The following PAFAH1B1 variants were observed in gnomAD, a reference collection of about 807,000 sequenced individuals.
The protein encoded by PAFAH1B1 is platelet-activating factor acetylhydrolase IB subunit beta.
In PAFAH1B1, 2 loss-of-function variants were observed where a neutral mutation model predicts 57.5. That is an observed-to-expected ratio of 0.03 (90% CI 0.01 to 0.11). The LOEUF is 0.11. Ranked by LOEUF, PAFAH1B1 falls within the 10% of genes least tolerant of loss-of-function variation. The probability of loss-of-function intolerance (pLI) is 1.00; values close to 1 mark genes in which losing one functional copy is unlikely to be tolerated. For synonymous variants in PAFAH1B1, 152 were observed against 169.6 expected (o/e 0.90, Z 0.81); for missense variants, 257 against 512.0 (o/e 0.50, Z 4.81).
intron 1 of PAFAH1B1, among the ~76,000 whole-genome samples, chr17:2,636,021 G>T (rs1180650310): frequency 6.6e-6 from 1 of 151,842 alleles, no homozygotes; most frequent in Non-Finnish European, 1.5e-5. Context: ...TACTCAAGAG[G>T]CTGAGCCCAG....
At chr17:2,655,181 A>ATGTGTG (rs1436866557) in intron 2 of PAFAH1B1, among the ~76,000 whole-genome samples, 62 of 122,742 alleles carry the variant, frequency 5.1e-4, no homozygotes, top group African/African-American at 1.9e-3. Context: ...ATATATACAT[A>ATGTGTG]TATGTGTGTG....
At chr17:2,597,755 G>A (rs1051222612) in intron 1 of PAFAH1B1, among the ~76,000 whole-genome samples, 9 of 149,836 alleles carry the variant, frequency 6.0e-5, no homozygotes, top group Non-Finnish European at 1.3e-4. Context: ...TCTCTCAGTT[G>A]TATACTAAGT....
chr17:2,643,466 G>A (rs2068723105), intron 2 of PAFAH1B1, among the ~76,000 whole-genome samples: 1 of 151,960 alleles, frequency 6.6e-6, no homozygotes, highest in Non-Finnish European at 1.5e-5. Context: ...GTCTCACTAT[G>A]TTGCCCAGGC....
rs553909283 is a variant in PAFAH1B1, at chr17:2,613,678, G to GAAGC, written c.-191+19673_-191+19676dup. On this transcript the variant is annotated intron_variant, in intron 1 of 10. Transcript: ENST00000397195. ...CACAGCCAGACAGCCGCCCCTCCGC[G>GAAGC]AAGCTGCAGACATCATCCATGGTCC... 328 of 283,554 alleles carry GAAGC rather than the reference G, an allele frequency of 1.2e-3. 1 individual carries two copies. Among genetic ancestry groups the GAAGC allele is most frequent in the African/African-American group, 7.0e-3 (312 of 44,720 alleles). 17.6% of individuals were successfully genotyped at this position (283,554 alleles called of 1,614,324 possible).
intron 2 of PAFAH1B1, 89 bp downstream of exon 2, chr17:2,638,409 TAA>T: frequency 9.6e-7 from 1 of 1,046,578 alleles, no homozygotes; most frequent in South Asian, 1.3e-5. Context: ...AGGTCTCTTC[TAA>T]GATTAAAACT....
At chr17:2,656,151 C>A (rs2068933652) in intron 2 of PAFAH1B1, among the ~76,000 whole-genome samples, 1 of 152,076 alleles carries the variant, frequency 6.6e-6, no homozygotes, top group Admixed American at 6.6e-5. Flanking sequence ...GTCTCGAACT[C>A]CTAACCTCGT....
chr17:2,614,127 C>T (rs150278274), intron 1 of PAFAH1B1, among the ~76,000 whole-genome samples: 1 of 146,100 alleles, frequency 6.8e-6, no homozygotes, highest in Admixed American at 7.1e-5. Flanking sequence ...CTCCCAGGCT[C>T]AAGCTATCCT....
intron 1 of PAFAH1B1, among the ~76,000 whole-genome samples, chr17:2,633,960 C>T (rs1053399528): frequency 5.6e-5 from 7 of 124,598 alleles, no homozygotes; most frequent in Non-Finnish European, 8.2e-5. Context: ...AAGTACCAAA[C>T]CTTTTTTTTT....
chr17:2,626,511 G>A (rs1045031136), intron 1 of PAFAH1B1, among the ~76,000 whole-genome samples: 4 of 139,024 alleles, frequency 2.9e-5, no homozygotes, highest in Admixed American at 2.4e-4. Context: ...AATTACTCAG[G>A]TTATAGAGTT....
chr17:2,613,622 C>T (rs1362236734), intron 1 of PAFAH1B1: 4 of 291,524 alleles, frequency 1.4e-5, no homozygotes, highest in Admixed American at 4.4e-5. Flanking sequence ...CCCTTCGATC[C>T]CCTGCTCCCT....
At chr17:2,664,554 T>A (rs149612915) in intron 2 of PAFAH1B1, among the ~76,000 whole-genome samples, 2 of 151,896 alleles carry the variant, frequency 1.3e-5, no homozygotes, top group Non-Finnish European at 2.9e-5. Flanking sequence ...TACAGGGGCT[T>A]GCCACCACGC....
intron 1 of PAFAH1B1, among the ~76,000 whole-genome samples, chr17:2,612,833 C>G (rs938612778): frequency 2.6e-5 from 4 of 151,906 alleles, no homozygotes; most frequent in Non-Finnish European, 5.9e-5. Flanking sequence ...TGGTCTCAGA[C>G]TCCTGGGCTC....
intron 2 of PAFAH1B1, among the ~76,000 whole-genome samples, chr17:2,654,091 G>A (rs2068904146): frequency 6.6e-6 from 1 of 152,026 alleles, no homozygotes; most frequent in African/African-American, 2.4e-5. Flanking sequence ...ACAGGCGTGA[G>A]CCACCATGCC....
intron 1 of PAFAH1B1, among the ~76,000 whole-genome samples, chr17:2,594,392 C>T (rs141603063): frequency 6.6e-6 from 1 of 152,328 alleles, no homozygotes; most frequent in East Asian, 1.9e-4. Flanking sequence ...GCGTGGGGAC[C>T]AGGTAGCTCT....
intron 1 of PAFAH1B1, among the ~76,000 whole-genome samples, chr17:2,621,383 T>C (rs1241350210): frequency 1.3e-5 from 2 of 152,186 alleles, no homozygotes; most frequent in African/African-American, 2.4e-5. Context: ...GTTCCATCCA[T>C]GTGGAATTAC....
At chr17:2,635,908 C>T (rs1422735885) in intron 1 of PAFAH1B1, among the ~76,000 whole-genome samples, 1 of 146,318 alleles carries the variant, frequency 6.8e-6, no homozygotes, top group Non-Finnish European at 1.5e-5. Context: ...TGAGACCAGC[C>T]TGGGCAACGT....
intron 2 of PAFAH1B1, among the ~76,000 whole-genome samples, chr17:2,659,887 T>C (rs905250223): frequency 6.6e-6 from 1 of 152,200 alleles, no homozygotes; most frequent in Non-Finnish European, 1.5e-5. Context: ...TGATATCCTG[T>C]GGCTGCAGCT....
chr17:2,679,444 GGATA>G (rs1454489299), intron 9 of PAFAH1B1, among the ~76,000 whole-genome samples: 1 of 150,018 alleles, frequency 6.7e-6, no homozygotes, highest in African/African-American at 2.5e-5. Flanking sequence ...ATGGTTGGAT[GGATA>G]GATGGATGAT....
At chr17:2,672,067 G>A (rs1216629169) in intron 6 of PAFAH1B1, among the ~76,000 whole-genome samples, 12 of 152,062 alleles carry the variant, frequency 7.9e-5, no homozygotes, top group Non-Finnish European at 1.3e-4. Flanking sequence ...ACAGGAGTTC[G>A]AGACCAGTGT....
Sources: gnomAD v4.1 joint callset for allele counts (sites outside exome capture counted in the v4.1 genomes callset) on GRCh38, gnomAD v4.1.1 for gene constraint, MANE v1.5 for transcripts, NCBI Gene and HGNC (gene_info 2026-07-23, HGNC 2026-07-21) for gene names.